The following TMEM131L variants were observed in gnomAD, a reference collection of about 807,000 sequenced individuals.
The protein encoded by TMEM131L is transmembrane 131 like, also known as transmembrane protein 131-like.
Under a neutral mutation model 192.2 loss-of-function variants are expected in TMEM131L, and 54 were observed. That is an observed-to-expected ratio of 0.28 (90% confidence interval 0.23 to 0.35). The LOEUF is 0.35. Ranked by LOEUF, TMEM131L falls within the 10% of genes least tolerant of loss-of-function variation. The pLI is 1.00. For synonymous variants in TMEM131L, 701 were observed against 704.9 expected (o/e 0.99, Z 0.09); for missense variants, 1,888 against 1,972.9 (o/e 0.96, Z 0.82).
chr4:153,505,577 C>A (rs962521834), intron 3 of TMEM131L, among the ~76,000 whole-genome samples: 2 of 152,124 alleles, frequency 1.3e-5, no homozygotes, highest in Non-Finnish European at 2.9e-5. Context: ...CATAATTCAG[C>A]CCATAACATG....
chr4:153,535,172 C>A (rs574597000), intron 3 of TMEM131L, among the ~76,000 whole-genome samples: 1 of 152,150 alleles, frequency 6.6e-6, no homozygotes, highest in South Asian at 2.1e-4. Context: ...CATGGGATTT[C>A]CGATGGATGG....
chr4:153,495,724 C>G (rs1171030250), intron 3 of TMEM131L, among the ~76,000 whole-genome samples: 1 of 152,156 alleles, frequency 6.6e-6, no homozygotes, highest in Non-Finnish European at 1.5e-5. Flanking sequence ...ACAGAACGTT[C>G]TGGGGTAAAG....
chr4:153,557,358 A>G (rs1402936688), intron 6 of TMEM131L, among the ~76,000 whole-genome samples: 1 of 152,202 alleles, frequency 6.6e-6, no homozygotes, highest in East Asian at 1.9e-4. Context: ...ACAGTTTCCC[A>G]TCATAAAATA....
intron 3 of TMEM131L, among the ~76,000 whole-genome samples, chr4:153,532,166 TG>T (rs1735946659): frequency 6.6e-6 from 1 of 152,218 alleles, no homozygotes; most frequent in South Asian, 2.1e-4. Context: ...ATTTTGCACT[TG>T]GATAATAGTC....
At position 153,598,537 on chromosome 4, in the gene TMEM131L, GTACCTTGTGAC is replaced by G. The variant is rs1352114485; in HGVS notation, c.2124-51_2124-41del. On this transcript the variant is annotated intron_variant, in intron 20 of 34. Coordinates refer to ENST00000409959, the MANE Select transcript of TMEM131L (RefSeq NM_001131007.2). The stretch of plus-strand genomic sequence containing the variant: ...GGGAATATTTAAATTTAAGTACATT[GTACCTTGTGAC>G]TCCATGTAATGCCTTTTTATATCTA... The G allele has an allele frequency of 4.7e-6, 7 of 1,478,446 alleles. No homozygotes were observed. The African/African-American group carries it at 9.8e-5, about 21-fold the overall frequency. 91.6% of individuals were successfully genotyped at this position (1,478,446 alleles called of 1,614,324 possible). A position where few individuals can be genotyped will look rare whatever the true frequency, so the allele number is the denominator to read the frequency against.
chr4:153,466,883 G>C (rs1730790589), intron 1 of TMEM131L, among the ~76,000 whole-genome samples: 1 of 152,102 alleles, frequency 6.6e-6, no homozygotes, highest in African/African-American at 2.4e-5. Flanking sequence ...CCCGAGCCTG[G>C]CCGCCCAGGG....
chr4:153,590,111 C>A (rs1730967425), intron 16 of TMEM131L, among the ~76,000 whole-genome samples: 1 of 152,148 alleles, frequency 6.6e-6, no homozygotes, highest in East Asian at 1.9e-4. Flanking sequence ...GCTTTTTTAT[C>A]TTTTCTTTTA....
chr4:153,599,101 T>C (rs954174806), intron 21 of TMEM131L, among the ~76,000 whole-genome samples: 6 of 152,208 alleles, frequency 3.9e-5, no homozygotes, highest in Non-Finnish European at 8.8e-5. Flanking sequence ...GGAAGCATGA[T>C]GCTGGCATCC....
chr4:153,477,831 C>T (rs527763139), intron 3 of TMEM131L, among the ~76,000 whole-genome samples: 393 of 152,234 alleles, frequency 2.6e-3, no homozygotes, highest in African/African-American at 9.0e-3. Context: ...ATGTTGTTCA[C>T]GTAGCATATA....
chr4:153,496,795 A>T (rs187056246), intron 3 of TMEM131L, among the ~76,000 whole-genome samples: 46 of 150,588 alleles, frequency 3.1e-4, no homozygotes, highest in African/African-American at 8.6e-4. Context: ...CAAGTGATCC[A>T]CTCGCTTTGG....
chr4:153,631,201 T>C (rs1734186054), intron 31 of TMEM131L, among the ~76,000 whole-genome samples: 1 of 152,218 alleles, frequency 6.6e-6, no homozygotes, highest in Non-Finnish European at 1.5e-5. Flanking sequence ...TTCAGCCTGA[T>C]CCAGCCATCA....
At chr4:153,545,630 A>C (rs541269258) in intron 3 of TMEM131L, among the ~76,000 whole-genome samples, 1 of 152,276 alleles carries the variant, frequency 6.6e-6, no homozygotes, top group African/African-American at 2.4e-5. Context: ...AAATGTGGCC[A>C]AAGTTTTTAA....
intron 7 of TMEM131L, among the ~76,000 whole-genome samples, chr4:153,564,232 T>TC (rs1729039661): frequency 7.4e-6 from 1 of 135,816 alleles, no homozygotes; most frequent in Non-Finnish European, 1.5e-5. Context: ...GAGGTTGCAG[T>TC]CAGCTGAGAT....
At chr4:153,588,083 A>G (rs962212382) in intron 15 of TMEM131L, among the ~76,000 whole-genome samples, 1 of 148,568 alleles carries the variant, frequency 6.7e-6, no homozygotes, top group Non-Finnish European at 1.5e-5. Flanking sequence ...CGATCATCAC[A>G]GCACCCATAG....
rs199555805 is a variant in TMEM131L, at chr4:153,598,712, C to T, written c.2246C>T (p.Thr749Met). ...CTCCGATTTAAGGTGCCCGAGTCCA[C>T]GCTGATGGACTGCCGTAGACGTGAG... ...GSLRFKVPESTLMDCRRQLKD... is the reference protein window; with the variant it reads ...GSLRFKVPESMLMDCRRQLKD... The change falls in exon 21 of 35, where the codon ACG (threonine) becomes ATG (methionine). Residue 749 changes from threonine (T) to methionine (M), a missense_variant. Transcript: ENST00000409959. The T allele has an allele frequency of 5.6e-5, 90 of 1,613,502 alleles. No individual in the cohort carries two copies. Among genetic ancestry groups the T allele is most frequent in the South Asian group, 9.9e-5 (9 of 91,058 alleles).
chr4:153,485,707 T>C (rs572076161), intron 3 of TMEM131L, among the ~76,000 whole-genome samples: 3 of 152,328 alleles, frequency 2.0e-5, no homozygotes, highest in African/African-American at 7.2e-5. Flanking sequence ...GTATGTAGTA[T>C]GCATTTTTGG....
chr4:153,556,344 A>T (rs1192604972), intron 5 of TMEM131L, among the ~76,000 whole-genome samples: 1 of 152,200 alleles, frequency 6.6e-6, no homozygotes, highest in Non-Finnish European at 1.5e-5. Flanking sequence ...CAGAACTGCA[A>T]GGTATAGTGA....
At chr4:153,533,197 C>A (rs963216412) in intron 3 of TMEM131L, among the ~76,000 whole-genome samples, 1 of 152,084 alleles carries the variant, frequency 6.6e-6, no homozygotes, top group Non-Finnish European at 1.5e-5. Flanking sequence ...GTTGGTCAGG[C>A]TGGTCTCGAA....
rs368613364 is a variant in TMEM131L at position 153,586,301 on chromosome 4, A to T, written c.1404A>T (p.Leu468=). The T allele has an allele frequency of 6.2e-7, 1 of 1,605,860 alleles. No homozygotes were observed. The highest frequency in any genetic ancestry group is 1.1e-5 in the South Asian group (1 of 88,656). Residue 468 remains leucine, a synonymous_variant, in exon 14 of 35, where the codon CTA becomes CTT. Coordinates refer to ENST00000409959, the MANE Select transcript of TMEM131L (RefSeq NM_001131007.2). The stretch of plus-strand genomic sequence containing the variant: ...CTGTTAAAGACATTGCCATAAATCT[A>T]TTCACCAATGTATTTTTGACTACAA... ...KLAVKDIAIN[L]FTNVFLTTNI...
Sources: gnomAD v4.1 joint callset for allele counts (sites outside exome capture counted in the v4.1 genomes callset) on GRCh38, gnomAD v4.1.1 for gene constraint, MANE v1.5 for transcripts, NCBI Gene and HGNC (gene_info 2026-07-23, HGNC 2026-07-21) for gene names.